The following TGFB2 variants were observed in gnomAD, a reference collection of about 807,000 sequenced individuals.
TGFB2 encodes the protein transforming growth factor beta-2 proprotein.
A neutral mutation model predicts 42.7 loss-of-function variants in TGFB2; 13 were observed. The observed-to-expected ratio is 0.30, with a 90% confidence interval of 0.20 to 0.48. The LOEUF is 0.48. Ranked by LOEUF, TGFB2 falls within the 20% of genes least tolerant of loss-of-function variation. The pLI is 0.99. For synonymous variants in TGFB2, 193 were observed against 193.6 expected (o/e 1.00, Z 0.03); for missense variants, 390 against 517.5 (o/e 0.75, Z 2.39).
chr1:218,389,563 A>G (rs536920299), intron 1 of TGFB2, among the ~76,000 whole-genome samples: 19 of 152,314 alleles, frequency 1.2e-4, no homozygotes, highest in African/African-American at 4.6e-4. Context: ...AGATCACTGA[A>G]AAGAATTGAG....
At chr1:218,369,261 A>G (rs1406110825) in intron 1 of TGFB2, among the ~76,000 whole-genome samples, 1 of 55,758 alleles carries the variant, frequency 1.8e-5, no homozygotes, top group African/African-American at 1.1e-4. Context: ...TCTCAGAAAA[A>G]AAAAAAAAAA....
chr1:218,352,277 T>G (rs1452259295), intron 1 of TGFB2, among the ~76,000 whole-genome samples: 1 of 152,186 alleles, frequency 6.6e-6, no homozygotes, highest in Non-Finnish European at 1.5e-5. Flanking sequence ...GATTTGGATT[T>G]GCCAGATGTG....
chr1:218,413,647 C>T (rs1335188695), intron 2 of TGFB2, among the ~76,000 whole-genome samples: 1 of 152,198 alleles, frequency 6.6e-6, no homozygotes, highest in Non-Finnish European at 1.5e-5. Context: ...GTAAAAGTGA[C>T]TCAACTTACT....
chr1:218,403,639 C>T (rs779330485), intron 1 of TGFB2, among the ~76,000 whole-genome samples: 38 of 152,274 alleles, frequency 2.5e-4, no homozygotes, highest in Non-Finnish European at 1.5e-4. Context: ...ATTTGGTGAA[C>T]CCTGTCCAGA....
intron 1 of TGFB2, among the ~76,000 whole-genome samples, chr1:218,381,769 GAA>G (rs1234277334): frequency 6.6e-6 from 1 of 152,204 alleles, no homozygotes; most frequent in Non-Finnish European, 1.5e-5. Flanking sequence ...AGCTTGTACT[GAA>G]TCCTGTGTGT....
intron 1 of TGFB2, among the ~76,000 whole-genome samples, chr1:218,388,849 TGTTTG>T (rs1658224027): frequency 6.6e-6 from 1 of 152,158 alleles, no homozygotes; most frequent in African/African-American, 2.4e-5. Flanking sequence ...AAAGGCAGCT[TGTTTG>T]TTTTAATGTT....
At chr1:218,389,263 C>T (rs1221255812) in intron 1 of TGFB2, among the ~76,000 whole-genome samples, 1 of 152,170 alleles carries the variant, frequency 6.6e-6, no homozygotes, top group Non-Finnish European at 1.5e-5. Context: ...CGATTAATTT[C>T]CTTTTGCTTT....
intron 1 of TGFB2, among the ~76,000 whole-genome samples, chr1:218,367,740 T>C (rs1657431975): frequency 6.6e-6 from 1 of 152,232 alleles, no homozygotes; most frequent in Non-Finnish European, 1.5e-5. Context: ...TTAAGATAAA[T>C]GTCAAATGCA....
intron 2 of TGFB2, among the ~76,000 whole-genome samples, chr1:218,416,756 T>C (rs1328965886): frequency 6.6e-6 from 1 of 151,732 alleles, no homozygotes; most frequent in African/African-American, 2.4e-5. Context: ...TGAATTCAAA[T>C]GTGTTGTGGG....
intron 2 of TGFB2, among the ~76,000 whole-genome samples, chr1:218,410,211 C>T (rs1307873178): frequency 5.9e-5 from 9 of 152,264 alleles, no homozygotes; most frequent in Admixed American, 4.6e-4. Context: ...ATAAAAATGC[C>T]GCCAGGTATT....
intron 1 of TGFB2, among the ~76,000 whole-genome samples, chr1:218,378,876 G>C (rs1359771105): frequency 6.6e-6 from 1 of 152,074 alleles, no homozygotes; most frequent in African/African-American, 2.4e-5. Context: ...AGGAAAGGCG[G>C]GTAATGGAAG....
At chr1:218,417,595 C>G (rs1571886246) in intron 2 of TGFB2, among the ~76,000 whole-genome samples, 1 of 152,160 alleles carries the variant, frequency 6.6e-6, no homozygotes, top group East Asian at 1.9e-4. Flanking sequence ...TAATGAGGAG[C>G]CAAATGTTAA....
intron 1 of TGFB2, among the ~76,000 whole-genome samples, chr1:218,366,797 A>G (rs1657401688): frequency 6.6e-6 from 1 of 152,170 alleles, no homozygotes; most frequent in South Asian, 2.1e-4. Flanking sequence ...TGCTCAAGTC[A>G]AAGGATGCTC....
At chr1:218,359,063 C>T (rs889542407) in intron 1 of TGFB2, among the ~76,000 whole-genome samples, 1 of 152,080 alleles carries the variant, frequency 6.6e-6, no homozygotes, top group Non-Finnish European at 1.5e-5. Flanking sequence ...ATTTTGGGCT[C>T]TGCAGGTTAA....
chr1:218,409,353 C>T (rs570065681), intron 2 of TGFB2, among the ~76,000 whole-genome samples: 2 of 152,294 alleles, frequency 1.3e-5, no homozygotes, highest in African/African-American at 2.4e-5. Context: ...CTGAATCTTA[C>T]CCTGTTTATA....
chr1:218,419,368 G>A (rs891483406), intron 2 of TGFB2, among the ~76,000 whole-genome samples: 1 of 152,104 alleles, frequency 6.6e-6, no homozygotes, highest in Non-Finnish European at 1.5e-5. Flanking sequence ...CACCTGCTCA[G>A]GGAGACCTTC....
At chr1:218,377,166 G>A (rs528810321) in intron 1 of TGFB2, among the ~76,000 whole-genome samples, 11 of 152,278 alleles carry the variant, frequency 7.2e-5, no homozygotes, top group African/African-American at 2.4e-4. Context: ...GATTACAGGC[G>A]TGAGCCACTG....
chr1:218,380,311 T>C (rs568360629), intron 1 of TGFB2, among the ~76,000 whole-genome samples: 2 of 152,286 alleles, frequency 1.3e-5, no homozygotes, highest in Non-Finnish European at 2.9e-5. Flanking sequence ...ACTCTAGAAG[T>C]AGATTCCACC....
rs1038114352 is a variant in TGFB2, at chr1:218,413,729, C to G, written c.510+8397C>G. On this transcript the variant is annotated intron_variant, in intron 2 of 6. Coordinates refer to ENST00000366930, the MANE Select transcript of TGFB2 (RefSeq NM_003238.6). ...GGAGCATCTGTAAAATAAAATCTGC[C>G]CCCCATTTGCTCTGACCTCTTTCCT... Among the ~76,000 whole-genome samples, 24 of 152,170 alleles carry G rather than the reference C, an allele frequency of 1.6e-4. 1 individual carries two copies. The highest frequency in any genetic ancestry group is 1.6e-3 in the Admixed American group (24 of 15,282).
Sources: allele counts gnomAD v4.1 joint callset (sites outside exome capture counted in the v4.1 genomes callset), GRCh38; gene constraint gnomAD v4.1.1; transcripts MANE v1.5; gene names NCBI Gene and HGNC (gene_info 2026-07-23, HGNC 2026-07-21).